The following ADGRB3 variants were observed in gnomAD, a reference collection of about 807,000 sequenced individuals.
The protein encoded by ADGRB3 is brain-specific angiogenesis inhibitor 3.
A neutral mutation model predicts 193.4 loss-of-function variants in ADGRB3; 37 were observed. That is an observed-to-expected ratio of 0.19 (90% CI 0.15 to 0.25). The LOEUF (loss-of-function observed/expected upper bound fraction) is 0.25, where lower values mean the gene tolerates loss of function less well. Ranked by LOEUF, ADGRB3 falls within the 10% of genes least tolerant of loss-of-function variation. The pLI is 1.00. For synonymous variants in ADGRB3, 690 were observed against 644.2 expected, an observed-to-expected ratio of 1.07 and a Z score of -1.08; for missense variants, 1,637 against 1,852.9, an observed-to-expected ratio of 0.88 and a Z score of 2.14.
chr6:68,822,430 C>T (rs1035349633), intron 3 of ADGRB3, among the ~76,000 whole-genome samples: 1 of 151,808 alleles, frequency 6.6e-6, no homozygotes, highest in Non-Finnish European at 1.5e-5. Flanking sequence ...CTACATCCTC[C>T]TTTTCTCATA....
intron 8 of ADGRB3, among the ~76,000 whole-genome samples, chr6:68,962,272 C>T (rs1768257079): frequency 6.6e-6 from 1 of 152,078 alleles, no homozygotes; most frequent in Non-Finnish European, 1.5e-5. Flanking sequence ...ATGAGTTTTA[C>T]CACCTATTTT....
intron 3 of ADGRB3, among the ~76,000 whole-genome samples, chr6:68,659,593 T>C (rs1768576427): frequency 6.6e-6 from 1 of 151,054 alleles, no homozygotes; most frequent in South Asian, 2.1e-4. Context: ...AACACAAATA[T>C]ATATCCTGTC....
intron 15 of ADGRB3, among the ~76,000 whole-genome samples, chr6:69,053,444 A>G (rs543182925): frequency 6.6e-6 from 1 of 152,350 alleles, no homozygotes; most frequent in African/African-American, 2.4e-5. Flanking sequence ...ATAGACTTCC[A>G]TGATAGCACA....
intron 15 of ADGRB3, among the ~76,000 whole-genome samples, chr6:69,050,174 C>T (rs1020555083): frequency 2.0e-5 from 3 of 152,088 alleles, no homozygotes; most frequent in East Asian, 3.9e-4. Context: ...AGTTATACTG[C>T]GGACAAAACA....
chr6:69,182,585 T>C (rs1775616603), intron 17 of ADGRB3, among the ~76,000 whole-genome samples: 1 of 152,138 alleles, frequency 6.6e-6, no homozygotes, highest in African/African-American at 2.4e-5. Context: ...TAATCTTTGC[T>C]GAGAATTATT....
rs1562128913 is a variant in ADGRB3 at position 69,031,054 on chromosome 6, CTCTT to C, written c.2107+12556_2107+12559del. Among the ~76,000 whole-genome samples, 182 of 23,914 alleles carry C rather than the reference CTCTT, an allele frequency of 7.6e-3. 17 individuals carry two copies. Among genetic ancestry groups the C allele is most frequent in the African/African-American group, 0.013 (93 of 7,146 alleles). The allele number at this position is 23,914 out of a possible 152,430, so 15.7% of individuals were successfully genotyped here. A position where few individuals can be genotyped will look rare whatever the true frequency, so the allele number is the denominator to read the frequency against. The stretch of plus-strand genomic sequence containing the variant: ...CTTCTCTTCTCTCTTCTCTTCTCTT[CTCTT>C]CTCTTCTCTTCTCTTCTCTTCTCTT... On this transcript the variant is annotated intron_variant, in intron 13 of 31. Transcript: ENST00000370598.
chr6:69,140,070 A>G (rs1774283159), intron 17 of ADGRB3, among the ~76,000 whole-genome samples: 1 of 152,218 alleles, frequency 6.6e-6, no homozygotes, highest in Admixed American at 6.5e-5. Context: ...TTTAGAAAAA[A>G]AATCTCTTAC....
At chr6:68,717,183 G>A (rs1765502754) in intron 3 of ADGRB3, among the ~76,000 whole-genome samples, 1 of 151,450 alleles carries the variant, frequency 6.6e-6, no homozygotes, top group African/African-American at 2.4e-5. Context: ...AGTTTTTAAG[G>A]GAAAATTTTA....
At chr6:69,207,920 G>T (rs1473447490) in intron 17 of ADGRB3, among the ~76,000 whole-genome samples, 1 of 152,140 alleles carries the variant, frequency 6.6e-6, no homozygotes, top group Non-Finnish European at 1.5e-5. Context: ...AACCCAGTGG[G>T]GACAAATCTC....
intron 3 of ADGRB3, among the ~76,000 whole-genome samples, chr6:68,645,976 T>C (rs946974472): frequency 1.3e-5 from 2 of 151,978 alleles, no homozygotes; most frequent in African/African-American, 4.8e-5. Context: ...GCCAGCCCAG[T>C]GCCCTTTTCT....
intron 17 of ADGRB3, among the ~76,000 whole-genome samples, chr6:69,230,017 T>TACAGCTA (rs1235192803): frequency 1.3e-5 from 2 of 152,208 alleles, no homozygotes; most frequent in Non-Finnish European, 2.9e-5. Flanking sequence ...AGGTACAGTT[T>TACAGCTA]ACAGCTAACA....
At chr6:69,160,276 A>G (rs1774947357) in intron 17 of ADGRB3, among the ~76,000 whole-genome samples, 1 of 152,120 alleles carries the variant, frequency 6.6e-6, no homozygotes, top group Non-Finnish European at 1.5e-5. Flanking sequence ...ACAGTGGATT[A>G]CAAGGTCCTT....
At chr6:68,933,580 G>A (rs1285442921) in intron 4 of ADGRB3, among the ~76,000 whole-genome samples, 1 of 152,186 alleles carries the variant, frequency 6.6e-6, no homozygotes, top group Non-Finnish European at 1.5e-5. Context: ...ACTATAGAGT[G>A]AGACTTCGTC....
chr6:69,102,479 T>C (rs1773089772), intron 17 of ADGRB3, among the ~76,000 whole-genome samples: 1 of 152,232 alleles, frequency 6.6e-6, no homozygotes, highest in Non-Finnish European at 1.5e-5. Flanking sequence ...ATGTTTACTG[T>C]GTTTCAGCTT....
intron 3 of ADGRB3, among the ~76,000 whole-genome samples, chr6:68,674,579 G>A (rs1033520): frequency 0.14 from 21,633 of 152,058 alleles, 2,188 homozygotes; most frequent in East Asian, 0.59. Context: ...CTATAAATAC[G>A]GTACTACTCT....
chr6:68,643,282 T>G (rs1418913921), intron 3 of ADGRB3, among the ~76,000 whole-genome samples: 1 of 152,150 alleles, frequency 6.6e-6, no homozygotes, highest in Non-Finnish European at 1.5e-5. Context: ...TGCCTGCGTG[T>G]GTATGTGTTG....
At chr6:68,971,708 G>A (rs1254591073) in intron 8 of ADGRB3, among the ~76,000 whole-genome samples, 1 of 152,242 alleles carries the variant, frequency 6.6e-6, no homozygotes, top group Non-Finnish European at 1.5e-5. Flanking sequence ...CATGTGTCCA[G>A]GCATGACTGC....
Position 68,844,073 on chromosome 6 carries a change from A to G in ADGRB3, c.758-86486A>G, listed in dbSNP as rs556510999. On this transcript the variant is annotated intron_variant, in intron 3 of 31. Coordinates refer to ENST00000370598, the MANE Select transcript of ADGRB3 (RefSeq NM_001704.3). The stretch of plus-strand genomic sequence containing the variant: ...GACCTCAAACTATGAAACTACTACA[A>G]GAAAACATTGGGGAAACCCTCTGGG... Among the ~76,000 whole-genome samples, 6 of 152,326 alleles carry G rather than the reference A, an allele frequency of 3.9e-5. No homozygotes were observed. In the South Asian group the frequency reaches 8.3e-4, roughly 21 times the overall value.
intron 17 of ADGRB3, among the ~76,000 whole-genome samples, chr6:69,177,299 C>T (rs567559003): frequency 6.6e-6 from 1 of 151,952 alleles, no homozygotes; most frequent in South Asian, 2.1e-4. Context: ...ACTGCTTTTG[C>T]TGTATCCCAG....
Sources: allele counts gnomAD v4.1 joint callset (sites outside exome capture counted in the v4.1 genomes callset), GRCh38; gene constraint gnomAD v4.1.1; transcripts MANE v1.5; gene names NCBI Gene and HGNC (gene_info 2026-07-23, HGNC 2026-07-21).